Variants in RAD52 observed in about 807,000 individuals in gnomAD.
The protein encoded by RAD52 is DNA repair protein RAD52 homolog.
In RAD52, 47 loss-of-function variants were observed where a neutral mutation model predicts 55.5. The observed-to-expected ratio is 0.85, with a 90% CI of 0.67 to 1.08. RAD52 has a LOEUF of 1.08. Ranked by LOEUF, RAD52 falls within the 50% of genes least tolerant of loss-of-function variation. The pLI is 0.00. For missense variants in RAD52, 468 were observed against 522.8 expected, an observed-to-expected ratio of 0.90 and a Z score of 1.02; for synonymous variants, 184 against 198.9, an observed-to-expected ratio of 0.92 and a Z score of 0.63.
intron 9 of RAD52, among the ~76,000 whole-genome samples, chr12:915,548 G>T (rs1293256444): frequency 3.3e-5 from 5 of 152,130 alleles, no homozygotes; most frequent in African/African-American, 1.2e-4. Context: ...GAGAACAGGT[G>T]GGGAGACAGA....
chr12:954,350 G>C (rs769018740), upstream of RAD52, among the ~76,000 whole-genome samples: 4 of 152,180 alleles, frequency 2.6e-5, no homozygotes, highest in Non-Finnish European at 5.9e-5. Context: ...TACAATAACA[G>C]GCTGGGCGCG....
At chr12:948,075 C>A (rs1271894936) in intron 1 of RAD52, among the ~76,000 whole-genome samples, 1 of 151,352 alleles carries the variant, frequency 6.6e-6, no homozygotes, top group Non-Finnish European at 1.5e-5. Context: ...CAGTATCCAT[C>A]AAAAATGGAG....
intron 1 of RAD52, among the ~76,000 whole-genome samples, chr12:977,418 C>T (rs531082952): frequency 2.2e-4 from 34 of 152,264 alleles, no homozygotes; most frequent in African/African-American, 7.5e-4. Context: ...TGCACCTTAC[C>T]ATGCTTGCCT....
intron 1 of RAD52, among the ~76,000 whole-genome samples, chr12:942,084 G>T (rs1298051222): frequency 6.6e-6 from 1 of 152,138 alleles, no homozygotes; most frequent in Non-Finnish European, 1.5e-5. Context: ...AGACTTTTCT[G>T]TAAAACTGGT....
chr12:924,192 G>A (rs2154112223), intron 7 of RAD52, among the ~76,000 whole-genome samples: 1 of 152,252 alleles, frequency 6.6e-6, no homozygotes, highest in African/African-American at 2.4e-5. Flanking sequence ...GGCGAATCAT[G>A]AGGTCAGGAA....
chr12:927,352 C>A (rs925722126), intron 5 of RAD52, 89 bp from the exon 6 acceptor site: 8 of 966,774 alleles, frequency 8.3e-6, no homozygotes, highest in South Asian at 2.7e-5. Flanking sequence ...GGTTCAAAGC[C>A]GGACTCTCCC....
At position 933,086 on chromosome 12, in the gene RAD52, T is replaced by C. The variant is rs563839153; in HGVS notation, c.-18-10A>G. ...TGATTCTGGTTGACCTCTATATAAA[T>C]AAAAAGCGGAAAAAAAAAACAACCC... is the stretch of plus-strand genomic sequence containing the variant. On this transcript the variant is annotated splice_polypyrimidine_tract_variant and intron_variant, in intron 1 of 11. Coordinates refer to ENST00000358495, the MANE Select transcript of RAD52 (RefSeq NM_134424.4). 14 of 1,540,524 alleles carry C rather than the reference T, an allele frequency of 9.1e-6. 1 individual carries two copies. Among genetic ancestry groups the C allele is most frequent in the Non-Finnish European group, 1.2e-5 (14 of 1,136,974 alleles).
chr12:957,466 C>CAAAA (rs71055109), intron 1 of RAD52, among the ~76,000 whole-genome samples: 39 of 44,016 alleles, frequency 8.9e-4, no homozygotes, highest in African/African-American at 1.6e-3. Flanking sequence ...AACTTCGTCT[C>CAAAA]AAAAAAAAAA....
At chr12:949,746 G>C (rs1958467426), upstream of RAD52, 1 of 11,040 alleles carries the variant, frequency 9.1e-5, no homozygotes, top group Non-Finnish European at 2.1e-4. Flanking sequence ...CACGCCCAGC[G>C]CCGGAGGGGG....
chr12:913,662 C>T (rs764109494), intron 11 of RAD52, among the ~76,000 whole-genome samples: 16 of 152,280 alleles, frequency 1.1e-4, no homozygotes, highest in East Asian at 1.9e-4. Flanking sequence ...TCCATGCAGT[C>T]GTTTCCGCTT....
chr12:938,817 A>T (rs1416710379), intron 1 of RAD52, among the ~76,000 whole-genome samples: 3 of 152,186 alleles, frequency 2.0e-5, no homozygotes, highest in African/African-American at 7.2e-5. Context: ...GAGAAATCTG[A>T]TGATGGGATG....
In RAD52 at chr12:925,405, A is replaced by ACAAACTCTT. The variant is rs772724840; in HGVS notation, c.543+44_543+45insAAGAGTTTG. 431 of 1,498,464 alleles carry ACAAACTCTT rather than the reference A, an allele frequency of 2.9e-4. 3 individuals are homozygous for ACAAACTCTT. Among genetic ancestry groups the ACAAACTCTT allele is most frequent in the Middle Eastern group, 8.5e-4 (5 of 5,862 alleles). The allele number at this position is 1,498,464 out of a possible 1,614,324, so 92.8% of individuals were successfully genotyped here. A position where few individuals can be genotyped will look rare whatever the true frequency, so the allele number is the denominator to read the frequency against. ...AAATACTCAACCCATGACACACAAG[A>ACAAACTCTT]GTTTGCCGCATTATCTTCACTCCAC... is the stretch of plus-strand genomic sequence containing the variant. On this transcript the variant is annotated intron_variant, in intron 7 of 11. Coordinates refer to ENST00000358495, the MANE Select transcript of RAD52 (RefSeq NM_134424.4).
intron 1 of RAD52, among the ~76,000 whole-genome samples, chr12:966,072 G>A (rs1958762888): frequency 6.6e-6 from 1 of 151,972 alleles, no homozygotes; most frequent in South Asian, 2.1e-4. Context: ...AACCTCCTGG[G>A]CTCAAGCCAT....
chr12:977,800 G>A (rs935833771), intron 1 of RAD52, among the ~76,000 whole-genome samples: 2 of 152,222 alleles, frequency 1.3e-5, no homozygotes, highest in East Asian at 1.9e-4. Context: ...CTCAGAGGGT[G>A]AGGGAGCTGG....
chr12:982,747 C>A (rs1959035294), intron 1 of RAD52, among the ~76,000 whole-genome samples: 1 of 147,634 alleles, frequency 6.8e-6, no homozygotes, highest in Non-Finnish European at 1.5e-5. Flanking sequence ...CTCATTGCAG[C>A]CTCGACCTCC....
chr12:966,212 CCA>C (rs1958765784), intron 1 of RAD52, among the ~76,000 whole-genome samples: 5 of 152,108 alleles, frequency 3.3e-5, no homozygotes, highest in South Asian at 2.1e-4. Context: ...AGAGATCCTC[CCA>C]CTCCAGCCTC....
intron 1 of RAD52, among the ~76,000 whole-genome samples, chr12:934,639 C>G (rs1354791318): frequency 6.6e-6 from 1 of 152,078 alleles, no homozygotes; most frequent in Non-Finnish European, 1.5e-5. Context: ...CCTGTACTAG[C>G]TAAGAGGGTA....
rs1212066909 is a variant in RAD52, at chr12:911,966, A to ATGAG, written c.*1421_*1424dup. On this transcript the variant is annotated 3_prime_UTR_variant, in exon 12 of 12. Coordinates refer to ENST00000358495, the MANE Select transcript of RAD52 (RefSeq NM_134424.4). ...TGAATCCTGGCAGGCGGAGGCTGCA[A>ATGAG]TGAGTCAAGATGGCACCGCTGCACT... 12 of 192,764 alleles carry ATGAG rather than the reference A, an allele frequency of 6.2e-5. No homozygotes were observed. The highest frequency in any genetic ancestry group is 1.2e-4 in the Non-Finnish European group (11 of 92,410). The allele number at this position is 192,764 out of a possible 1,614,324, so 11.9% of individuals were successfully genotyped here. A position where few individuals can be genotyped will look rare whatever the true frequency, so the allele number is the denominator to read the frequency against.
Position 933,074 on chromosome 12 carries a change from C to G in RAD52, c.-16G>C, listed in dbSNP as rs1298916164. 6.3e-7 allele frequency: 1 copy of G among 1,598,270 alleles called. No homozygotes were observed. Among genetic ancestry groups the G allele is most frequent in the South Asian group, 1.1e-5 (1 of 89,582 alleles). ...TCCCAGACATCTTGATTCTGGTTGA[C>G]CTCTATATAAATAAAAAGCGGAAAA... On this transcript the variant is annotated splice_region_variant and 5_prime_UTR_variant, in exon 2 of 12. Transcript: ENST00000358495.
Sources: gnomAD v4.1 joint callset for allele counts (sites outside exome capture counted in the v4.1 genomes callset) on GRCh38, gnomAD v4.1.1 for gene constraint, MANE v1.5 for transcripts, NCBI Gene and HGNC (gene_info 2026-07-23, HGNC 2026-07-21) for gene names.